Variants in PHF20 observed in about 807,000 individuals in gnomAD.
PHF20 encodes glioma-expressed antigen 2.
Under a neutral mutation model 113.5 loss-of-function variants are expected in PHF20, and 23 were observed. The observed-to-expected ratio is 0.20, with a 90% CI of 0.15 to 0.29. PHF20 has a LOEUF of 0.29. Among genes scored for constraint, PHF20 ranks in the 10% least tolerant of loss-of-function variants. PHF20 has a pLI of 1.00. For missense variants in PHF20, 943 were observed against 1,219.6 expected (o/e 0.77, Z 3.38); for synonymous variants, 434 against 457.3 (o/e 0.95, Z 0.65).
At chr20:35,840,948 C>T (rs2042524682) in intron 2 of PHF20, among the ~76,000 whole-genome samples, 4 of 152,288 alleles carry the variant, frequency 2.6e-5, no homozygotes, top group Admixed American at 2.6e-4. Context: ...CACACTTTTC[C>T]ACAAGTAACC....
At chr20:35,857,397 T>G (rs1463273106) in intron 4 of PHF20, among the ~76,000 whole-genome samples, 2 of 152,074 alleles carry the variant, frequency 1.3e-5, no homozygotes, top group Non-Finnish European at 2.9e-5. Context: ...GGGAAAAAAC[T>G]AACAGTGTAG....
In PHF20 at chr20:35,862,996, T is replaced by G. The variant is rs1199278653; in HGVS notation, c.421-17T>G. On this transcript the variant is annotated splice_polypyrimidine_tract_variant and intron_variant, in intron 5 of 17. Coordinates refer to ENST00000374012, the MANE Select transcript of PHF20 (RefSeq NM_016436.5). ...AAGTAATCACGAAGTGTTTCATCGC[T>G]ATTTTGCTCATTTTAGAATATTGTG... The G allele has an allele frequency of 1.9e-6, 3 of 1,543,044 alleles. No homozygotes were observed. In the Admixed American group the frequency reaches 6.6e-5, roughly 34 times the overall value.
intron 10 of PHF20, among the ~76,000 whole-genome samples, chr20:35,903,079 T>TATCC (rs1178912029): frequency 0.01 from 1,421 of 141,924 alleles, 29 homozygotes; most frequent in African/African-American, 0.037. Flanking sequence ...TATCCTTTCT[T>TATCC]TTTTTTTTTT....
chr20:35,870,987 A>G lies in PHF20; in HGVS notation c.955A>G (p.Thr319Ala), dbSNP rs2054410738. Residue 319 changes from threonine to alanine, a missense_variant, in exon 8 of 18, where the codon ACT (threonine) becomes GCT (alanine). This residue lies in a region of PHF20 where 592 missense variants were observed against 787.2 expected (regional missense o/e 0.75). Transcript: ENST00000374012. ...QEKSKNYSEN[T>A]DKDLSRRRSS... is the part of the protein sequence containing the mutation. ...AAAGTCAAAAAACTACTCGGAAAAC[A>G]CTGACAAAGACTTATCGAGGAGACG... 1 of 1,600,020 alleles carries G rather than the reference A, an allele frequency of 6.2e-7. No individual in the cohort carries two copies. Among genetic ancestry groups the G allele is most frequent in the African/African-American group, 1.4e-5 (1 of 74,022 alleles).
rs555012361 is a variant in PHF20, at chr20:35,871,815, T to A, written c.1268T>A (p.Ile423Asn). 6.2e-7 allele frequency: 1 copy of A among 1,610,710 alleles called. No homozygotes were observed. The highest frequency in any genetic ancestry group is 8.5e-7 in the Non-Finnish European group (1 of 1,178,196). ...PTSPLVELQEISTVEVTNTFK... is the reference protein window; with the variant it reads ...PTSPLVELQENSTVEVTNTFK... ...TCTCCCCTTGTGGAATTACAAGAGATTTCGACTGTGGAAGGTTCATATTTA... is the reference window on the plus strand; with the variant it reads ...TCTCCCCTTGTGGAATTACAAGAGAATTCGACTGTGGAAGGTTCATATTTA... The change falls in exon 9 of 18, where the codon ATT becomes AAT. Residue 423 changes from isoleucine (I) to asparagine (N), a missense_variant. Around this residue, in one of 3 missense-constraint regions of PHF20, gnomAD observed 592 missense variants for 787.2 expected, o/e 0.75. Coordinates refer to ENST00000374012, the MANE Select transcript of PHF20 (RefSeq NM_016436.5).
intron 1 of PHF20, among the ~76,000 whole-genome samples, chr20:35,797,043 A>G (rs2041679540): frequency 1.3e-5 from 2 of 151,950 alleles, no homozygotes; most frequent in South Asian, 4.1e-4. Flanking sequence ...TAGAGATGAC[A>G]TTTCACCAAG....
At chr20:35,845,556 CAAG>C (rs1241946654) in intron 3 of PHF20, 1 of 162,490 alleles carries the variant, frequency 6.2e-6, no homozygotes, top group Non-Finnish European at 1.4e-5. Context: ...TTTGTAGAGA[CAAG>C]GTCTTATTAT....
chr20:35,818,461 T>C (rs1225353770), intron 2 of PHF20, among the ~76,000 whole-genome samples: 1 of 152,086 alleles, frequency 6.6e-6, no homozygotes, highest in East Asian at 1.9e-4. Context: ...GGGTTTGCCA[T>C]GTTGCCCAGG....
At chr20:35,832,313 CTGT>C (rs1399272215) in intron 2 of PHF20, among the ~76,000 whole-genome samples, 1 of 152,138 alleles carries the variant, frequency 6.6e-6, no homozygotes, top group Non-Finnish European at 1.5e-5. Context: ...AAGGAGTCCT[CTGT>C]TGTTGCACCT....
intron 1 of PHF20, among the ~76,000 whole-genome samples, chr20:35,786,846 G>T (rs1247295774): frequency 6.6e-6 from 1 of 152,128 alleles, no homozygotes; most frequent in Non-Finnish European, 1.5e-5. Flanking sequence ...GCTTCATTCC[G>T]CATGCTTTGC....
At chr20:35,879,239 T>C (rs1488382942) in intron 9 of PHF20, among the ~76,000 whole-genome samples, 4 of 152,196 alleles carry the variant, frequency 2.6e-5, no homozygotes, top group Non-Finnish European at 5.9e-5. Flanking sequence ...TGACAATATA[T>C]ATATGTGCAT....
chr20:35,890,363 A>G (rs1201458567), intron 9 of PHF20, among the ~76,000 whole-genome samples: 1 of 152,226 alleles, frequency 6.6e-6, no homozygotes, highest in Non-Finnish European at 1.5e-5. Context: ...TGCTGAATGC[A>G]TAATTTTAAT....
intron 6 of PHF20, among the ~76,000 whole-genome samples, 179 bp downstream of exon 6, chr20:35,863,579 A>G (rs2054259059): frequency 6.6e-6 from 1 of 152,228 alleles, no homozygotes; most frequent in African/African-American, 2.4e-5. Flanking sequence ...TACATATCCA[A>G]GTGAATCTAA....
chr20:35,787,398 C>CT (rs1369278555), intron 1 of PHF20, among the ~76,000 whole-genome samples: 3 of 151,340 alleles, frequency 2.0e-5, no homozygotes, highest in African/African-American at 7.3e-5. Context: ...AGGCTGGTCT[C>CT]TAACTCCCGA....
At chr20:35,866,980 A>T (rs985680616) in intron 6 of PHF20, among the ~76,000 whole-genome samples, 2 of 152,158 alleles carry the variant, frequency 1.3e-5, no homozygotes, top group Admixed American at 1.3e-4. Context: ...GACTGTCTGG[A>T]TGGGAATCTG....
intron 1 of PHF20, among the ~76,000 whole-genome samples, chr20:35,793,875 G>A (rs576404678): frequency 2.7e-5 from 4 of 150,704 alleles, no homozygotes; most frequent in Admixed American, 6.7e-5. Flanking sequence ...GTGCACGCCT[G>A]TAATCCCAGC....
At chr20:35,810,250 T>G (rs2041953245) in intron 2 of PHF20, among the ~76,000 whole-genome samples, 1 of 152,134 alleles carries the variant, frequency 6.6e-6, no homozygotes, top group Non-Finnish European at 1.5e-5. Flanking sequence ...GTTTAAAGCC[T>G]GAAAGCCAAG....
chr20:35,886,589 G>A (rs1005785779), intron 9 of PHF20, among the ~76,000 whole-genome samples: 5 of 152,196 alleles, frequency 3.3e-5, no homozygotes, highest in African/African-American at 1.2e-4. Flanking sequence ...CAACTGTGTT[G>A]GGCCTTGGTC....
At chr20:35,830,579 C>T (rs1433768332) in intron 2 of PHF20, among the ~76,000 whole-genome samples, 2 of 152,136 alleles carry the variant, frequency 1.3e-5, no homozygotes, top group South Asian at 2.1e-4. Flanking sequence ...TTCTGGAGTA[C>T]AGACATCTGT....
Sources: allele counts gnomAD v4.1 joint callset (sites outside exome capture counted in the v4.1 genomes callset), GRCh38; gene constraint gnomAD v4.1.1; regional missense constraint gnomAD v4.1.1; transcripts MANE v1.5; gene names NCBI Gene and HGNC (gene_info 2026-07-23, HGNC 2026-07-21).